Variants in USH2A observed in about 807,000 individuals in gnomAD.
USH2A encodes usherin.
A neutral mutation model predicts 538.9 loss-of-function variants in USH2A; 443 were observed. The ratio of observed to expected loss-of-function variants is 0.82; its 90% CI spans 0.76 to 0.89. The LOEUF (loss-of-function observed/expected upper bound fraction) is 0.89. Among genes scored for constraint, USH2A ranks in the 40% least tolerant of loss-of-function variants. USH2A has a pLI of 0.00. For missense variants in USH2A, 6,633 were observed against 6,324.8 expected, an observed-to-expected ratio of 1.05 and a Z score of -1.65; for synonymous variants, 2,413 against 2,273.5, an observed-to-expected ratio of 1.06 and a Z score of -1.75.
chr1:215,624,493 G>T lies in USH2A; in HGVS notation c.*1288C>A, dbSNP rs1655925011. ...TAGACAGAGTCAATATTTTCCTGGG[G>T]TCACAAAGACCTTTAAGGATGAAGG... is the stretch of plus-strand genomic sequence containing the variant. On this transcript the variant is annotated 3_prime_UTR_variant, in exon 72 of 72. Coordinates refer to ENST00000307340, the MANE Select transcript of USH2A (RefSeq NM_206933.4). 1 of 152,086 alleles carries T rather than the reference G, an allele frequency of 6.6e-6. No homozygotes were observed. Among genetic ancestry groups the T allele is most frequent in the Non-Finnish European group, 1.5e-5 (1 of 68,002 alleles). The allele number at this position is 152,086 out of a possible 1,614,324, so 9.4% of individuals were successfully genotyped here.
chr1:216,148,896 A>G (rs1437223971), intron 21 of USH2A, among the ~76,000 whole-genome samples: 2 of 151,886 alleles, frequency 1.3e-5, no homozygotes, highest in Non-Finnish European at 2.9e-5. Context: ...CAAATTACCT[A>G]GGCTGTACTG....
chr1:216,147,275 C>A (rs1400952151), intron 21 of USH2A, among the ~76,000 whole-genome samples: 5 of 152,092 alleles, frequency 3.3e-5, no homozygotes. Flanking sequence ...AGCCTCTGCT[C>A]CTCCACCCTA....
chr1:215,979,723 T>C (rs979592330), intron 35 of USH2A, among the ~76,000 whole-genome samples: 2 of 152,120 alleles, frequency 1.3e-5, no homozygotes, highest in African/African-American at 4.8e-5. Flanking sequence ...AAAAAACTTG[T>C]GACACTTAGG....
intron 64 of USH2A, among the ~76,000 whole-genome samples, chr1:215,653,345 A>G (rs1657139500): frequency 1.3e-5 from 2 of 152,216 alleles, no homozygotes; most frequent in African/African-American, 4.8e-5. Context: ...ACTAATAGGG[A>G]ATGTATGCAG....
intron 21 of USH2A, among the ~76,000 whole-genome samples, chr1:216,112,103 GAAT>G (rs2102586446): frequency 6.6e-6 from 1 of 151,996 alleles, no homozygotes; most frequent in Non-Finnish European, 1.5e-5. Flanking sequence ...ATAAATACAT[GAAT>G]AACAAAATCT....
At chr1:215,946,978 T>C (rs1371062049) in intron 37 of USH2A, among the ~76,000 whole-genome samples, 2 of 152,150 alleles carry the variant, frequency 1.3e-5, no homozygotes, top group East Asian at 3.9e-4. Flanking sequence ...CATTAACTTT[T>C]AGGTTTTAAT....
chr1:215,672,897 A>G (rs1228417560), intron 63 of USH2A, among the ~76,000 whole-genome samples: 1 of 152,218 alleles, frequency 6.6e-6, no homozygotes, highest in Non-Finnish European at 1.5e-5. Flanking sequence ...TCCAGCCTGG[A>G]AAAAGCATTC....
intron 70 of USH2A, chr1:215,630,036 T>C (rs1295499237): frequency 6.0e-6 from 3 of 497,380 alleles, no homozygotes; most frequent in African/African-American, 1.9e-5. Flanking sequence ...CGGCCTCCCA[T>C]TTCTTTTCTT....
intron 4 of USH2A, among the ~76,000 whole-genome samples, chr1:216,344,426 C>T (rs1333410456): frequency 6.6e-6 from 1 of 152,084 alleles, no homozygotes; most frequent in African/African-American, 2.4e-5. Flanking sequence ...ACCTAATTTG[C>T]TCAAGGTTCA....
intron 3 of USH2A, among the ~76,000 whole-genome samples, chr1:216,413,334 C>T (rs1366810769): frequency 6.6e-6 from 1 of 152,004 alleles, no homozygotes; most frequent in East Asian, 1.9e-4. Flanking sequence ...GCTTACTGAA[C>T]TGAATGAGGA....
intron 15 of USH2A, among the ~76,000 whole-genome samples, chr1:216,208,745 C>T (rs1037695609): frequency 6.6e-6 from 1 of 152,130 alleles, no homozygotes; most frequent in Non-Finnish European, 1.5e-5. Flanking sequence ...AATTCATCAA[C>T]AAAGGGAAAA....
At chr1:215,675,651 A>G in intron 62 of USH2A, 35 bp from the exon 63 acceptor site, 1 of 1,613,962 alleles carries the variant, frequency 6.2e-7, no homozygotes. Context: ...GATAACTTGC[A>G]GCATACAATT....
chr1:216,003,140 G>A (rs1342290210), intron 32 of USH2A, among the ~76,000 whole-genome samples: 1 of 152,088 alleles, frequency 6.6e-6, no homozygotes, highest in East Asian at 1.9e-4. Flanking sequence ...CGGTCAGGAT[G>A]GGAAGTGAGT....
chr1:215,673,830 A>C (rs1172487172), intron 63 of USH2A, among the ~76,000 whole-genome samples: 2 of 152,104 alleles, frequency 1.3e-5, no homozygotes, highest in African/African-American at 4.8e-5. Flanking sequence ...TCTCTGTCCT[A>C]CTTATTTCAG....
chr1:215,971,300 T>C (rs935001707), intron 35 of USH2A, among the ~76,000 whole-genome samples: 1 of 152,144 alleles, frequency 6.6e-6, no homozygotes, highest in Non-Finnish European at 1.5e-5. Flanking sequence ...GAGGAGAAAC[T>C]GGCTTCCTAC....
At chr1:216,143,024 T>C (rs570235936) in intron 21 of USH2A, among the ~76,000 whole-genome samples, 5 of 152,134 alleles carry the variant, frequency 3.3e-5, no homozygotes, top group African/African-American at 7.2e-5. Context: ...TTCCTCAAGA[T>C]TGAACATTCT....
At chr1:215,646,573 C>A (rs889781459) in intron 67 of USH2A, among the ~76,000 whole-genome samples, 1 of 152,062 alleles carries the variant, frequency 6.6e-6, no homozygotes, top group African/African-American at 2.4e-5. Context: ...GTTGCCCAGG[C>A]TGGAGTACAG....
intron 15 of USH2A, among the ~76,000 whole-genome samples, chr1:216,214,058 G>A (rs2035298268): frequency 6.6e-6 from 1 of 152,042 alleles, no homozygotes; most frequent in Admixed American, 6.6e-5. Flanking sequence ...AAATGTTGCT[G>A]AGACCATAGA....
intron 70 of USH2A, among the ~76,000 whole-genome samples, chr1:215,631,395 A>G (rs1458222318): frequency 2.6e-5 from 4 of 152,206 alleles, no homozygotes; most frequent in Non-Finnish European, 5.9e-5. Flanking sequence ...TGAGGAGCCC[A>G]CAGTCACCAA....
Sources: gnomAD v4.1 joint callset for allele counts (sites outside exome capture counted in the v4.1 genomes callset) on GRCh38, gnomAD v4.1.1 for gene constraint, MANE v1.5 for transcripts, NCBI Gene and HGNC (gene_info 2026-07-23, HGNC 2026-07-21) for gene names.